RYR3: variants seen among roughly 807,000 people sequenced by gnomAD.
RYR3 encodes ryanodine receptor 3, also known as brain ryanodine receptor-calcium release channel.
In RYR3, 207 loss-of-function variants were observed where a neutral mutation model predicts 584.3. That is an observed-to-expected ratio of 0.35 (90% confidence interval 0.32 to 0.40). The LOEUF (loss-of-function observed/expected upper bound fraction) is 0.40, where lower values mean the gene tolerates loss of function less well. RYR3 is among the 10% of genes least tolerant of loss of function. RYR3 has a pLI of 1.00. For missense variants in RYR3, 5,616 were observed against 6,089.2 expected, an observed-to-expected ratio of 0.92 and a Z score of 2.59; for synonymous variants, 2,416 against 2,248.5, an observed-to-expected ratio of 1.07 and a Z score of -2.11.
chr15:33,591,735 G>T (rs189008576), intron 16 of RYR3, among the ~76,000 whole-genome samples: 66 of 152,212 alleles, frequency 4.3e-4, no homozygotes, highest in Non-Finnish European at 6.8e-4. Context: ...AAGGATTTGG[G>T]TCTACCTTTG....
intron 72 of RYR3, among the ~76,000 whole-genome samples, chr15:33,812,408 A>C (rs547752082): frequency 9.2e-5 from 14 of 152,330 alleles, no homozygotes; most frequent in African/African-American, 3.4e-4. Context: ...ATTTAAAGAG[A>C]TATAAAGGAA....
chr15:33,728,881 T>C lies in RYR3; in HGVS notation c.7058T>C (p.Met2353Thr), dbSNP rs1484490868. The change falls in exon 47 of 104, where the codon ATG becomes ACG. Residue 2353 changes from methionine to threonine, a missense_variant. Coordinates refer to ENST00000634891, the MANE Select transcript of RYR3 (RefSeq NM_001036.6). ...NKDGSVSEPD[M>T]AANFCPDHKA... ...GATGGGTCGGTCAGTGAGCCAGATA[T>C]GGCGGCCAATTTCTGCCCTGACCAC... The C allele has an allele frequency of 5.6e-6, 9 of 1,612,736 alleles. No homozygotes were observed. Among genetic ancestry groups the C allele is most frequent in the Non-Finnish European group, 2.5e-6 (3 of 1,179,548 alleles).
rs180980002 is a variant in RYR3 at position 33,690,611 on chromosome 15, A to C, written c.5861-5607A>C. Among the ~76,000 whole-genome samples the C allele has an allele frequency of 2.4e-3, 366 of 152,294 alleles. 1 individual carries two copies. Among genetic ancestry groups the C allele is most frequent in the Non-Finnish European group, 4.3e-3 (295 of 68,018 alleles). ...GTTCATGTCTCAGCTACTTGATCAG[A>C]ATCATGCAGCCTAATGGAACAGGTT... is the stretch of plus-strand genomic sequence containing the variant. On this transcript the variant is annotated intron_variant, in intron 38 of 103. Coordinates refer to ENST00000634891, the MANE Select transcript of RYR3 (RefSeq NM_001036.6).
At position 33,311,665 on chromosome 15, in the gene RYR3, C is replaced by T. The variant is rs1056736099; in HGVS notation, c.51+569C>T. Among the ~76,000 whole-genome samples, 1 of 152,212 alleles carries T rather than the reference C, an allele frequency of 6.6e-6. No homozygotes were observed. The highest frequency in any genetic ancestry group is 1.5e-5 in the Non-Finnish European group (1 of 68,034). On this transcript the variant is annotated intron_variant, in intron 1 of 103. Coordinates refer to ENST00000634891, the MANE Select transcript of RYR3 (RefSeq NM_001036.6). This position sits in a 1 kb window ranked among gnomAD's most constrained non-coding sequence, Gnocchi z 4.4. ...GGAATTCACCCAGCGCTGCCCCTCT[C>T]GTGTTAAGCCCCACGCCGGCAACTG... is the stretch of plus-strand genomic sequence containing the variant.
At chr15:33,750,124 G>A (rs1408611113) in intron 56 of RYR3, 39 bp from the exon 57 acceptor site, 5 of 1,607,658 alleles carry the variant, frequency 3.1e-6, no homozygotes, top group Non-Finnish European at 4.2e-6. Flanking sequence ...GAAGTGCAAA[G>A]GAAGAGCCAA....
intron 1 of RYR3, among the ~76,000 whole-genome samples, chr15:33,354,474 T>C (rs1424352653): frequency 6.6e-6 from 1 of 152,242 alleles, no homozygotes; most frequent in Non-Finnish European, 1.5e-5. Flanking sequence ...CAAAGTCATT[T>C]CAAAATCCTG....
At chr15:33,539,186 G>C in intron 5 of RYR3, 164 bp from the exon 6 acceptor site, 1 of 549,770 alleles carries the variant, frequency 1.8e-6, no homozygotes, top group South Asian at 2.4e-5. Flanking sequence ...AAGAGCAGAT[G>C]GGGGGCTGTC....
rs76396814 is a variant in RYR3, at chr15:33,373,907, T to A, written c.51+62811T>A. ...TTTTTTAAATATGTTGTGGTAGGAA[T>A]AGAGAAAAAGAGGCCAGGAGCTATA... On this transcript the variant is annotated intron_variant, in intron 1 of 103. Coordinates refer to ENST00000634891, the MANE Select transcript of RYR3 (RefSeq NM_001036.6). 6.0e-3 allele frequency among the ~76,000 whole-genome samples: 909 copies of A among 152,200 alleles called. 12 individuals are homozygous for A. Among genetic ancestry groups the A allele is most frequent in the African/African-American group, 0.021 (869 of 41,522 alleles).
At chr15:33,656,768 C>G (rs1052174841) in intron 32 of RYR3, among the ~76,000 whole-genome samples, 20 of 152,174 alleles carry the variant, frequency 1.3e-4, no homozygotes, top group African/African-American at 4.8e-5. Context: ...ACTCTCAGCT[C>G]CCAGAGGGCA....
chr15:33,443,845 G>T (rs890793845), intron 1 of RYR3, among the ~76,000 whole-genome samples: 1 of 152,166 alleles, frequency 6.6e-6, no homozygotes, highest in Non-Finnish European at 1.5e-5. Flanking sequence ...CTTAGCTCCT[G>T]TTATCATTTT....
chr15:33,456,357 C>T lies in RYR3; in HGVS notation c.52-17062C>T, dbSNP rs564792240. Among the ~76,000 whole-genome samples the T allele has an allele frequency of 3.3e-5, 5 of 152,210 alleles. No individual in the cohort carries two copies. In the East Asian group the frequency reaches 7.7e-4, roughly 23 times the overall value. On this transcript the variant is annotated intron_variant, in intron 1 of 103. Coordinates refer to ENST00000634891, the MANE Select transcript of RYR3 (RefSeq NM_001036.6). The stretch of plus-strand genomic sequence containing the variant: ...ATGGACACTGACTGTTTGTAGGCAG[C>T]GAGTGGGCAAGCACGTGACACAGGA...
chr15:33,709,032 G>A (rs893045636), intron 43 of RYR3, among the ~76,000 whole-genome samples: 7 of 131,768 alleles, frequency 5.3e-5, no homozygotes, highest in Non-Finnish European at 7.6e-5. Context: ...GCAGGTAATC[G>A]AAAAAGTTTG....
chr15:33,578,063 C>A (rs11854531), intron 12 of RYR3, among the ~76,000 whole-genome samples: 26,396 of 152,076 alleles, frequency 0.17, 3,887 homozygotes, highest in African/African-American at 0.41. Context: ...CAATGACATA[C>A]CATCTCATGC....
intron 80 of RYR3, 84 bp downstream of exon 80, chr15:33,821,686 T>C: frequency 7.3e-7 from 1 of 1,364,376 alleles, no homozygotes; most frequent in Non-Finnish European, 1.0e-6. Flanking sequence ...AGGAGTTGAC[T>C]GCTACAGAGG....
In RYR3 at chr15:33,644,520, G is replaced by A. The variant is rs745646550; in HGVS notation, c.3765+1G>A. The A allele has an allele frequency of 6.2e-7, 1 of 1,611,368 alleles. No homozygotes were observed. The highest frequency in any genetic ancestry group is 2.2e-5 in the East Asian group (1 of 44,850). ...GCCAAAGGATCATCCACACATAGAG[G>A]TAATGTTACACAATGTGTGTGGCCC... On this transcript the variant is annotated splice_donor_variant, in intron 28 of 103. Transcript: ENST00000634891. LOFTEE classifies it high-confidence loss of function.
At chr15:33,676,738 G>A (rs1382403050) in intron 38 of RYR3, among the ~76,000 whole-genome samples, 5 of 152,126 alleles carry the variant, frequency 3.3e-5, no homozygotes. Flanking sequence ...GAGGAAACGG[G>A]GACTCCGAGG....
rs930307044 is a variant in RYR3, at chr15:33,349,141, A to G, written c.51+38045A>G. On this transcript the variant is annotated intron_variant, in intron 1 of 103. Coordinates refer to ENST00000634891, the MANE Select transcript of RYR3 (RefSeq NM_001036.6). ...TTTTTTTTTTGCTAGATAATATTCT[A>G]CAGGGTGGATGTACCACAGTTTGTT... 3.2e-5 allele frequency among the ~76,000 whole-genome samples: 4 copies of G among 123,746 alleles called. No homozygotes were observed. The Admixed American group carries it at 3.8e-4, about 12-fold the overall frequency. The allele number at this position is 123,746 out of a possible 152,430, so 81.2% of individuals were successfully genotyped here.
At chr15:33,554,986 C>G (rs1299826082) in intron 10 of RYR3, among the ~76,000 whole-genome samples, 1 of 152,218 alleles carries the variant, frequency 6.6e-6, no homozygotes. Flanking sequence ...CTACACCATA[C>G]ATCTTGAATG....
chr15:33,647,310 G>A, intron 29 of RYR3, 114 bp from the exon 30 acceptor site: 1 of 770,904 alleles, frequency 1.3e-6, no homozygotes, highest in Non-Finnish European at 2.2e-6. Flanking sequence ...TGTTTAGGGA[G>A]TAGCCAGTTT....
Sources: gnomAD v4.1 joint callset for allele counts (sites outside exome capture counted in the v4.1 genomes callset) on GRCh38, gnomAD v4.1.1 for gene constraint, Gnocchi (gnomAD v3.1) non-coding constraint, MANE v1.5 for transcripts, NCBI Gene and HGNC (gene_info 2026-07-23, HGNC 2026-07-21) for gene names.